Variants in PRRX2 observed in about 807,000 individuals in gnomAD.
PRRX2 encodes the protein paired mesoderm homeobox protein 2.
Under a neutral mutation model 18.0 loss-of-function variants are expected in PRRX2, and 11 were observed. That is an observed-to-expected ratio of 0.61 (90% confidence interval 0.39 to 1.01). The LOEUF (loss-of-function observed/expected upper bound fraction) is 1.01, where lower values mean the gene tolerates loss of function less well. Ranked by LOEUF, PRRX2 falls within the 50% of genes least tolerant of loss-of-function variation. The pLI is 0.01. For missense variants in PRRX2, 387 were observed against 351.0 expected (o/e 1.10, Z -0.82); for synonymous variants, 177 against 154.8 (o/e 1.14, Z -1.06).
chr9:129,683,721 C>T (rs1307861510), intron 1 of PRRX2, among the ~76,000 whole-genome samples: 1 of 151,730 alleles, frequency 6.6e-6, no homozygotes, highest in Non-Finnish European at 1.5e-5. Flanking sequence ...GGCGACAGAG[C>T]GAGACTCCAT....
intron 1 of PRRX2, among the ~76,000 whole-genome samples, chr9:129,685,558 G>A (rs1362722404): frequency 2.6e-5 from 4 of 152,028 alleles, no homozygotes; most frequent in Admixed American, 1.3e-4. Flanking sequence ...AGAGACGAGC[G>A]TCTCGAACTG....
chr9:129,696,695 A>T (rs1036063297), intron 1 of PRRX2, among the ~76,000 whole-genome samples: 2 of 152,208 alleles, frequency 1.3e-5, no homozygotes, highest in Non-Finnish European at 2.9e-5. Context: ...CGCCTTGCCA[A>T]GGGAAAGGAG....
rs553376766 is a variant in PRRX2 at position 129,699,481 on chromosome 9, A to G, written c.260-19750A>G. Among the ~76,000 whole-genome samples the G allele has an allele frequency of 2.7e-5, 4 of 148,862 alleles. No individual in the cohort carries two copies. In the South Asian group the frequency reaches 8.3e-4, roughly 31 times the overall value. Reference sequence around the variant, plus strand: ...TGTGTGTGTGTGTGTGTATACATATATCCATCAATATATTAGTTTCTGCAG... The same window carrying G: ...TGTGTGTGTGTGTGTGTATACATATGTCCATCAATATATTAGTTTCTGCAG... On this transcript the variant is annotated intron_variant, in intron 1 of 3. Coordinates refer to ENST00000372469, the MANE Select transcript of PRRX2 (RefSeq NM_016307.4).
At chr9:129,696,166 T>G (rs1409914939) in intron 1 of PRRX2, among the ~76,000 whole-genome samples, 1 of 151,944 alleles carries the variant, frequency 6.6e-6, no homozygotes, top group Admixed American at 6.6e-5. Flanking sequence ...ACCAACTGGC[T>G]AAGACTCAGA....
rs960508062 is a variant in PRRX2, at chr9:129,719,349, G to T, written c.378G>T (p.Thr126=). 11 of 1,588,180 alleles carry T rather than the reference G, an allele frequency of 6.9e-6. No individual in the cohort carries two copies. The highest frequency in any genetic ancestry group is 9.4e-6 in the Non-Finnish European group (11 of 1,168,276). Reference sequence around the variant, plus strand: ...CGCTGGAGCGCGTGTTCGAGCGCACGCACTACCCCGACGCCTTTGTGCGCG... The same window carrying T: ...CGCTGGAGCGCGTGTTCGAGCGCACTCACTACCCCGACGCCTTTGTGCGCG... ...LQALERVFER[T]HYPDAFVREE... is the part of the protein sequence containing the mutation. The change falls in exon 2 of 4, where the codon ACG becomes ACT. Residue 126 remains threonine (T), a synonymous_variant. Transcript: ENST00000372469.
At position 129,719,240 on chromosome 9, in the gene PRRX2, C is replaced by A; in HGVS notation, c.269C>A (p.Pro90His). The A allele has an allele frequency of 1.3e-6, 2 of 1,593,820 alleles. No individual in the cohort carries two copies. Among genetic ancestry groups the A allele is most frequent in the African/African-American group, 1.3e-5 (1 of 74,530 alleles). Residue 90 changes from proline (P) to histidine (H), a missense_variant, in exon 2 of 4, where the codon CCC becomes CAC. Physicochemically the swap from Pro to His is moderately conservative, Grantham distance 77 (BLOSUM62 -2). Coordinates refer to ENST00000372469, the MANE Select transcript of PRRX2 (RefSeq NM_016307.4). Reference sequence around the variant, plus strand: ...CCCCCAACCTCCGCAGGTGAGTGTCCCAGCCCGGGGCGCGGTAGCGCCGCC... The same window carrying A: ...CCCCCAACCTCCGCAGGTGAGTGTCACAGCCCGGGGCGCGGTAGCGCCGCC... Reference protein sequence around the residue: ...SEAAPQDGECPSPGRGSAAKR... With the variant: ...SEAAPQDGECHSPGRGSAAKR...
At chr9:129,684,518 A>ACACACACC (rs1554723046) in intron 1 of PRRX2, among the ~76,000 whole-genome samples, 5 of 38,370 alleles carry the variant, frequency 1.3e-4, no homozygotes, top group African/African-American at 3.6e-4. Flanking sequence ...ACACACACAC[A>ACACACACC]CACACCCACA....
intron 1 of PRRX2, among the ~76,000 whole-genome samples, chr9:129,697,310 G>C (rs1832438554): frequency 6.6e-6 from 1 of 151,948 alleles, no homozygotes; most frequent in African/African-American, 2.4e-5. Flanking sequence ...GCAGGGGAGC[G>C]CTGCGTCCCG....
At chr9:129,721,716 AT>A (rs1254368737) in intron 3 of PRRX2, among the ~76,000 whole-genome samples, 1 of 152,138 alleles carries the variant, frequency 6.6e-6, no homozygotes, top group African/African-American at 2.4e-5. Context: ...GGTAGCTGGG[AT>A]TACAAACGCC....
intron 2 of PRRX2, 78 bp from the exon 3 acceptor site, chr9:129,720,518 A>G (rs1832775289): frequency 2.2e-6 from 3 of 1,383,844 alleles, no homozygotes; most frequent in East Asian, 4.9e-5. Context: ...CTGGTGACAG[A>G]GCAGGCACAC....
intron 1 of PRRX2, among the ~76,000 whole-genome samples, chr9:129,694,944 G>GC (rs1191297790): frequency 2.6e-5 from 4 of 152,150 alleles, no homozygotes; most frequent in South Asian, 4.1e-4. Context: ...CCTCTCATCA[G>GC]CCCCCCAAGA....
intron 1 of PRRX2, among the ~76,000 whole-genome samples, chr9:129,683,605 G>A (rs1053957274): frequency 6.6e-6 from 1 of 151,638 alleles, no homozygotes; most frequent in African/African-American, 2.4e-5. Context: ...CGTGGTGACG[G>A]GCACCTGTAG....
chr9:129,711,302 C>T (rs778254263), intron 1 of PRRX2, among the ~76,000 whole-genome samples: 3 of 151,920 alleles, frequency 2.0e-5, no homozygotes, highest in Admixed American at 6.6e-5. Flanking sequence ...CCTCAGTTTC[C>T]TCCTACGTAA....
At chr9:129,685,232 C>T (rs1034671403) in intron 1 of PRRX2, among the ~76,000 whole-genome samples, 4 of 152,244 alleles carry the variant, frequency 2.6e-5, no homozygotes, top group Non-Finnish European at 5.9e-5. Flanking sequence ...GGCCCCCTAC[C>T]AGTAGCAGCA....
rs113901977 is a variant in PRRX2 at position 129,699,861 on chromosome 9, T to C, written c.260-19370T>C. On this transcript the variant is annotated intron_variant, in intron 1 of 3. Coordinates refer to ENST00000372469, the MANE Select transcript of PRRX2 (RefSeq NM_016307.4). ...GTCCCAGGGAGCAGAGAACTTGGTC[T>C]CTGAGGCACCGACAGCAGCTGTTCA... 9.5e-3 allele frequency among the ~76,000 whole-genome samples: 1,442 copies of C among 152,276 alleles called. 34 individuals carry two copies. Among genetic ancestry groups the C allele is most frequent in the African/African-American group, 0.033 (1,363 of 41,544 alleles).
At chr9:129,673,801 CGGGCCAAGGG>C (rs1832130788) in intron 1 of PRRX2, among the ~76,000 whole-genome samples, 1 of 152,194 alleles carries the variant, frequency 6.6e-6, no homozygotes. Context: ...TGCACCTGTG[CGGGCCAAGGG>C]TTAAGTGCCT....
intron 1 of PRRX2, among the ~76,000 whole-genome samples, chr9:129,693,098 G>A (rs1443310918): frequency 3.3e-5 from 5 of 152,156 alleles, no homozygotes; most frequent in African/African-American, 4.8e-5. Flanking sequence ...TCTAATAGCC[G>A]TGTGGTGGTA....
intron 1 of PRRX2, among the ~76,000 whole-genome samples, chr9:129,684,484 A>T (rs73670170): frequency 0.017 from 921 of 53,612 alleles, 9 homozygotes; most frequent in African/African-American, 0.063. Flanking sequence ...ACCAGAAATC[A>T]CACACACACA....
rs762929485 is a variant in PRRX2 at position 129,715,750 on chromosome 9, T to TCTCTCTCTCTCTCTCTCTCACA, written c.260-3480_260-3479insTCTCTCTCTCTCTCTCTCACAC. On this transcript the variant is annotated intron_variant, in intron 1 of 3. Coordinates refer to ENST00000372469, the MANE Select transcript of PRRX2 (RefSeq NM_016307.4). This position sits in a 1 kb window ranked among gnomAD's most constrained non-coding sequence, Gnocchi z 4.0. ...AAACCCAGCTTCAGGGACATCTTTC[T>TCTCTCTCTCTCTCTCTCTCACA]CACACACACACACACACACACACAC... Among the ~76,000 whole-genome samples the TCTCTCTCTCTCTCTCTCTCACA allele has an allele frequency of 4.3e-5, 6 of 138,950 alleles. No individual in the cohort carries two copies. The highest frequency in any genetic ancestry group is 4.6e-4 in the East Asian group (2 of 4,390). The allele number at this position is 138,950 out of a possible 152,430, so 91.2% of individuals were successfully genotyped here.
Sources: allele counts gnomAD v4.1 joint callset (sites outside exome capture counted in the v4.1 genomes callset), GRCh38; gene constraint gnomAD v4.1.1; non-coding constraint Gnocchi (gnomAD v3.1); transcripts MANE v1.5; gene names NCBI Gene and HGNC (gene_info 2026-07-23, HGNC 2026-07-21).